Variants in NEXMIF observed in about 807,000 individuals in gnomAD.
NEXMIF encodes neurite extension and migration factor, also known as XLMR protein related to neurite extension.
Under a neutral mutation model 62.1 loss-of-function variants are expected in NEXMIF, and 8 were observed. That is an observed-to-expected ratio of 0.13 (90% confidence interval 0.08 to 0.23). The LOEUF (loss-of-function observed/expected upper bound fraction) is 0.23. Among genes scored for constraint, NEXMIF ranks in the 10% least tolerant of loss-of-function variants. The probability of loss-of-function intolerance (pLI) is 1.00; values close to 1 mark genes in which losing one functional copy is unlikely to be tolerated. For missense variants in NEXMIF, 976 were observed against 1,113.3 expected, an observed-to-expected ratio of 0.88 and a Z score of 1.75; for synonymous variants, 404 against 416.6, an observed-to-expected ratio of 0.97 and a Z score of 0.37.
intron 1 of NEXMIF, among the ~76,000 whole-genome samples, chrX:74,819,489 G>T (rs2080387434): frequency 9.0e-6 from 1 of 111,371 alleles, no homozygotes; most frequent in Non-Finnish European, 1.9e-5. Flanking sequence ...AAATTTACAA[G>T]AAAAAAATCA....
intron 1 of NEXMIF, among the ~76,000 whole-genome samples, chrX:74,785,496 T>A (rs368664228): frequency 1.6e-4 from 18 of 110,623 alleles, no homozygotes; most frequent in South Asian, 1.2e-3. Context: ...AAAAAAAAAA[T>A]TTTTTTTCAA....
rs760883234 is a variant in NEXMIF at position 74,782,495 on chromosome X, C to A, written c.-47-36798G>T. Among the ~76,000 whole-genome samples, 288 of 111,107 alleles carry A rather than the reference C, an allele frequency of 2.6e-3. 1 individual carries two copies. Among genetic ancestry groups the A allele is most frequent in the African/African-American group, 9.0e-3 (275 of 30,628 alleles). Reference sequence around the variant, plus strand: ...ACCAGAAAGCCCTAAGTCCTCCCTACTACAGACCCTTCCTTCATATAAGGC... The same window carrying A: ...ACCAGAAAGCCCTAAGTCCTCCCTAATACAGACCCTTCCTTCATATAAGGC... On this transcript the variant is annotated intron_variant, in intron 1 of 3. Coordinates refer to ENST00000055682, the MANE Select transcript of NEXMIF (RefSeq NM_001008537.3).
chrX:74,803,567 C>CA (rs1368813566), intron 1 of NEXMIF, among the ~76,000 whole-genome samples: 77 of 104,554 alleles, frequency 7.4e-4, no homozygotes, highest in African/African-American at 2.6e-3. Context: ...GACTCTGTCT[C>CA]AAAAAAATAA....
chrX:74,873,747 G>T (rs1181064570), intron 1 of NEXMIF, among the ~76,000 whole-genome samples: 1 of 112,355 alleles, frequency 8.9e-6, no homozygotes, highest in Non-Finnish European at 1.9e-5. Flanking sequence ...GGCCAGTGAT[G>T]ATGAGCATTT....
chrX:74,826,938 T>C (rs752618080), intron 1 of NEXMIF, among the ~76,000 whole-genome samples: 12 of 112,055 alleles, frequency 1.1e-4, no homozygotes, highest in African/African-American at 3.6e-4. Flanking sequence ...TCTCCAAATA[T>C]GGTACAGTAT....
intron 1 of NEXMIF, among the ~76,000 whole-genome samples, chrX:74,860,755 C>G (rs933982615): frequency 9.0e-6 from 1 of 111,122 alleles, no homozygotes; most frequent in Non-Finnish European, 1.9e-5. Flanking sequence ...CAAAGCAGTG[C>G]TAAGAGGGAA....
intron 1 of NEXMIF, among the ~76,000 whole-genome samples, chrX:74,865,231 G>A (rs1418606086): frequency 1.8e-5 from 2 of 111,751 alleles, no homozygotes; most frequent in African/African-American, 6.5e-5. Context: ...CCAAAATGCT[G>A]ATAGTGATAT....
intron 1 of NEXMIF, chrX:74,769,544 C>T (rs978002634): frequency 1.6e-5 from 6 of 384,078 alleles, no homozygotes; most frequent in Middle Eastern, 7.6e-4. Context: ...ACTTGAGCTC[C>T]GGAGCACTGG....
intron 1 of NEXMIF, among the ~76,000 whole-genome samples, chrX:74,774,290 A>C (rs2080222092): frequency 9.0e-6 from 1 of 111,707 alleles, no homozygotes; most frequent in Non-Finnish European, 1.9e-5. Context: ...GGACAAGGGA[A>C]GTAATAATAT....
chrX:74,793,598 C>T (rs935566768), intron 1 of NEXMIF, among the ~76,000 whole-genome samples: 3 of 110,791 alleles, frequency 2.7e-5, no homozygotes, highest in African/African-American at 9.8e-5. Context: ...TTCTCCCCGT[C>T]ACTTTCAGGT....
chrX:74,920,482 T>G (rs1287723742), intron 1 of NEXMIF, among the ~76,000 whole-genome samples: 5 of 111,334 alleles, frequency 4.5e-5, no homozygotes, highest in Non-Finnish European at 7.5e-5. Context: ...TGTTTGTTTT[T>G]TTCTTGTAAA....
Position 74,831,967 on chromosome X carries a change from G to A in NEXMIF, c.-47-86270C>T, listed in dbSNP as rs989687017. Among the ~76,000 whole-genome samples, 7 of 111,881 alleles carry A rather than the reference G, an allele frequency of 6.3e-5. No individual in the cohort carries two copies. In the East Asian group the frequency reaches 1.4e-3, roughly 22 times the overall value. On this transcript the variant is annotated intron_variant, in intron 1 of 3. Transcript: ENST00000055682. ...TGTATCCCTGGGATAAATCCCACTT[G>A]GTCACAATGAATGATCATACTAATG... is the stretch of plus-strand genomic sequence containing the variant.
rs1217230633 is a variant in NEXMIF at position 74,740,381 on chromosome X, G to A, written c.4176C>T (p.His1392=). The A allele has an allele frequency of 2.5e-6, 3 of 1,211,613 alleles. No homozygotes were observed. The highest frequency in any genetic ancestry group is 5.9e-5 in the East Asian group (2 of 33,828). The change falls in exon 3 of 4, where the codon CAC becomes CAT. Residue 1392 remains histidine, a synonymous_variant. Coordinates refer to ENST00000055682, the MANE Select transcript of NEXMIF (RefSeq NM_001008537.3). The part of the protein sequence containing the change: ...NSGSQGATKN[H]RSIKGVSKSN... Reference sequence around the variant, plus strand: ...TTTTGCTCACACCCTTGATTGACCTGTGATTCTTAGTGGCTCCTTGGGACC... The same window carrying A: ...TTTTGCTCACACCCTTGATTGACCTATGATTCTTAGTGGCTCCTTGGGACC...
intron 1 of NEXMIF, among the ~76,000 whole-genome samples, chrX:74,828,769 C>G (rs137959572): frequency 3.8e-4 from 42 of 111,985 alleles, no homozygotes; most frequent in Middle Eastern, 9.2e-3. Context: ...GTTTTGTCAT[C>G]CTAGCCTTAA....
chrX:74,767,416 T>C (rs1256154654), intron 1 of NEXMIF, among the ~76,000 whole-genome samples: 2 of 110,912 alleles, frequency 1.8e-5, no homozygotes, highest in Non-Finnish European at 3.8e-5. Context: ...TATGGACTTG[T>C]TGCTGGCCTG....
intron 1 of NEXMIF, among the ~76,000 whole-genome samples, chrX:74,831,558 G>A (rs1431976286): frequency 9.0e-6 from 1 of 110,593 alleles, no homozygotes; most frequent in Non-Finnish European, 1.9e-5. Context: ...ATTCCATGGT[G>A]TATATGTGCC....
intron 1 of NEXMIF, among the ~76,000 whole-genome samples, chrX:74,783,544 A>C (rs2080252376): frequency 8.9e-6 from 1 of 111,855 alleles, no homozygotes; most frequent in South Asian, 3.7e-4. Context: ...GATAGGGCTC[A>C]ATAAAGTCTG....
intron 1 of NEXMIF, among the ~76,000 whole-genome samples, chrX:74,865,643 C>T (rs2080576196): frequency 8.9e-6 from 1 of 111,760 alleles, no homozygotes; most frequent in African/African-American, 3.2e-5. Context: ...GCCTGGAGGC[C>T]TAGAAGGGAA....
chrX:74,879,059 C>T (rs375615201), intron 1 of NEXMIF, among the ~76,000 whole-genome samples: 1 of 112,154 alleles, frequency 8.9e-6, no homozygotes. Context: ...CACACAAATA[C>T]CACTGTGTTA....
Sources: allele counts gnomAD v4.1 joint callset (sites outside exome capture counted in the v4.1 genomes callset), GRCh38; gene constraint gnomAD v4.1.1; transcripts MANE v1.5; gene names NCBI Gene and HGNC (gene_info 2026-07-23, HGNC 2026-07-21).